LRRC74B: variants seen among roughly 807,000 people sequenced by gnomAD.
LRRC74B encodes the protein leucine rich repeat containing 74B.
LRRC74B carries 30 observed loss-of-function variants against 16.6 expected under a neutral mutation model. That is an observed-to-expected ratio of 1.80 (90% confidence interval 1.35 to 2.45). LRRC74B has a LOEUF of 2.45. LRRC74B is among the 30% of genes most tolerant of loss of function. The probability of loss-of-function intolerance (pLI) is 0.00; values close to 1 mark genes in which losing one functional copy is unlikely to be tolerated. For synonymous variants in LRRC74B, 134 were observed against 86.0 expected (o/e 1.56, Z -3.09); for missense variants, 326 against 202.4 (o/e 1.61, Z -3.71).
In LRRC74B at chr22:21,052,138, A is replaced by G. The variant is rs1930113068; in HGVS notation, c.623-111A>G. 1.3e-5 allele frequency: 9 copies of G among 676,774 alleles called. 1 individual carries two copies. The East Asian group carries it at 2.5e-4, about 18-fold the overall frequency. The allele number at this position is 676,774 out of a possible 1,614,324, so 41.9% of individuals were successfully genotyped here. ...GGCACCGCAGGCCCACATTAGTTTC[A>G]TGTCTGTGACCCTCCTGCCCAGCAG... is the stretch of plus-strand genomic sequence containing the variant. On this transcript the variant is annotated intron_variant, in intron 4 of 8. Transcript: ENST00000442047.
intron 3 of LRRC74B, chr22:21,048,267 C>T (rs1929661291): frequency 4.1e-6 from 2 of 493,468 alleles, no homozygotes; most frequent in Middle Eastern, 5.6e-4. Context: ...CCAGCATCCC[C>T]CTCTTCACCT....
exon 4 of LRRC74B, chr22:21,049,054 T>C (rs1929743953): frequency 1.4e-6 from 1 of 715,780 alleles, no homozygotes; most frequent in Admixed American, 2.0e-5. Flanking sequence ...TGTCAGGGAA[T>C]GGCCTGGAGG....
At chr22:21,061,949 C>G (rs780420122), downstream of LRRC74B, 5 of 152,100 alleles carry the variant, frequency 3.3e-5, no homozygotes, top group Non-Finnish European at 7.3e-5. Flanking sequence ...TGTGCATATT[C>G]TAAAGGCAAT....
At chr22:21,054,523 C>A (rs1465478427) in intron 6 of LRRC74B, among the ~76,000 whole-genome samples, 1 of 152,202 alleles carries the variant, frequency 6.6e-6, no homozygotes, top group South Asian at 2.1e-4. Context: ...CTGAGACCCT[C>A]CCCAGGGGCA....
At chr22:21,051,354 T>A (rs981345872) in intron 4 of LRRC74B, among the ~76,000 whole-genome samples, 1 of 152,114 alleles carries the variant, frequency 6.6e-6, no homozygotes, top group African/African-American at 2.4e-5. Context: ...TCCGCCTTCA[T>A]CTCTAGGTCT....
intron 1 of LRRC74B, 30 bp downstream of exon 1, chr22:21,046,155 C>T (rs1929406761): frequency 2.8e-6 from 2 of 715,000 alleles, no homozygotes. Flanking sequence ...GGCCCGACTC[C>T]TCCCCTTTGG....
Position 21,052,248 on chromosome 22 carries a change from G to C in LRRC74B, c.623-1G>C. ...GAAGGTCTCTCTTGGTGTTTCTGAA[G>C]GGGAGACACTTGGACCAGCCCTGGC... On this transcript the variant is annotated splice_acceptor_variant, in intron 4 of 8. Transcript: ENST00000442047. LOFTEE classifies it high-confidence loss of function. 2.8e-6 allele frequency: 2 copies of C among 717,504 alleles called. No individual in the cohort carries two copies. Among genetic ancestry groups the C allele is most frequent in the Non-Finnish European group, 2.6e-6 (1 of 385,104 alleles). 44.4% of individuals were successfully genotyped at this position (717,504 alleles called of 1,614,324 possible).
chr22:21,051,369 A>G (rs1930029365), intron 4 of LRRC74B, among the ~76,000 whole-genome samples: 2 of 151,896 alleles, frequency 1.3e-5, no homozygotes, highest in African/African-American at 4.8e-5. Context: ...AGGTCTCGCT[A>G]TTTTGCCCAG....
chr22:21,046,198 G>T (rs1166903918), intron 1 of LRRC74B, 73 bp downstream of exon 1: 4 of 699,632 alleles, frequency 5.7e-6, no homozygotes, highest in East Asian at 2.7e-5. Context: ...GGGGAGGCGG[G>T]CTGGGGCTAA....
intron 7 of LRRC74B, 25 bp from the exon 8 acceptor site, chr22:21,057,080 G>C (rs115992444): frequency 1.4e-6 from 1 of 716,656 alleles, no homozygotes; most frequent in East Asian, 2.7e-5. Flanking sequence ...CTGGCTTCTC[G>C]CAGCTTTGTG....
exon 9 of LRRC74B, chr22:21,060,488 C>T (rs1330705541): frequency 2.8e-6 from 2 of 716,294 alleles, no homozygotes; most frequent in Non-Finnish European, 5.2e-6. Context: ...GAGTTGCTGC[C>T]AGTCTTCAGA....
intron 2 of LRRC74B, 47 bp downstream of exon 2, chr22:21,047,545 G>A (rs370981145): frequency 9.2e-5 from 65 of 709,218 alleles, no homozygotes; most frequent in African/African-American, 6.1e-4. Flanking sequence ...GAGAGGCCTC[G>A]GGAGACAGCA....
exon 4 of LRRC74B, chr22:21,049,102 C>T (rs751531206): frequency 5.6e-6 from 4 of 716,348 alleles, no homozygotes; most frequent in Non-Finnish European, 1.0e-5. Context: ...TCCTGCTGGC[C>T]CACACAGACC....
chr22:21,046,935 T>C (rs564493436), intron 1 of LRRC74B, among the ~76,000 whole-genome samples: 26 of 151,464 alleles, frequency 1.7e-4, no homozygotes, highest in South Asian at 1.3e-3. Context: ...CTACTGAAAA[T>C]ACAAAAAACT....
intron 6 of LRRC74B, among the ~76,000 whole-genome samples, chr22:21,054,710 G>A: frequency 6.6e-6 from 1 of 152,242 alleles, no homozygotes; most frequent in South Asian, 2.1e-4. Context: ...GGGCGGTGCT[G>A]AGGACTGGAG....
chr22:21,061,385 C>T (rs111899646), downstream of LRRC74B, among the ~76,000 whole-genome samples: 272 of 151,808 alleles, frequency 1.8e-3, no homozygotes, highest in African/African-American at 6.2e-3. Context: ...TCCCCAATAA[C>T]GGGATTGGCC....
upstream of LRRC74B, chr22:21,045,951 C>A (rs1240643087): frequency 1.4e-6 from 1 of 713,502 alleles, no homozygotes; most frequent in Non-Finnish European, 2.6e-6. Context: ...AAGCTGTCTC[C>A]GACTCAGTGT....
chr22:21,047,372 A>G (rs1335864589), exon 2 of LRRC74B: 1 of 717,312 alleles, frequency 1.4e-6, no homozygotes, highest in Non-Finnish European at 2.6e-6. Flanking sequence ...ATGGGCTTGG[A>G]GAACTGGTCA....
At chr22:21,052,155 G>A in intron 4 of LRRC74B, 94 bp from the exon 5 acceptor site, 1 of 696,272 alleles carries the variant, frequency 1.4e-6, no homozygotes, top group South Asian at 1.5e-5. Flanking sequence ...TGACCCTCCT[G>A]CCCAGCAGAG....
Sources: allele counts gnomAD v4.1 joint callset (sites outside exome capture counted in the v4.1 genomes callset), GRCh38; gene constraint gnomAD v4.1.1; transcripts MANE v1.5; gene names NCBI Gene and HGNC (gene_info 2026-07-23, HGNC 2026-07-21).